TNR: variants seen among roughly 807,000 people sequenced by gnomAD.
The protein encoded by TNR is tenascin R, also known as tenascin-R.
In TNR, 45 loss-of-function variants were observed where a neutral mutation model predicts 150.4. The observed-to-expected ratio is 0.30, with a 90% CI of 0.24 to 0.38. TNR has a LOEUF of 0.38. TNR is among the 10% of genes least tolerant of loss of function. TNR has a pLI of 1.00. For synonymous variants in TNR, 687 were observed against 678.4 expected (o/e 1.01, Z -0.20); for missense variants, 1,544 against 1,759.1 (o/e 0.88, Z 2.19).
intron 2 of TNR, among the ~76,000 whole-genome samples, chr1:175,503,697 T>C (rs1658833645): frequency 6.6e-6 from 1 of 152,086 alleles, no homozygotes. Context: ...CTCATGACGC[T>C]CCATTCACGG....
chr1:175,337,115 G>A lies in TNR; in HGVS notation c.3534+413C>T, dbSNP rs182292338. Reference sequence around the variant, plus strand: ...TCTCCATGTTGGCCAGGCTGGTCTCGAACTCCTGGCCTCAAGTCATCACCC... The same window carrying A: ...TCTCCATGTTGGCCAGGCTGGTCTCAAACTCCTGGCCTCAAGTCATCACCC... On this transcript the variant is annotated intron_variant, in intron 19 of 22. Coordinates refer to ENST00000367674, the MANE Select transcript of TNR (RefSeq NM_003285.3). 1.5e-3 allele frequency among the ~76,000 whole-genome samples: 235 copies of A among 152,194 alleles called. 2 individuals are homozygous for A. The highest frequency in any genetic ancestry group is 4.6e-3 in the Admixed American group (71 of 15,286).
At chr1:175,673,620 A>T (rs1665770337) in intron 1 of TNR, among the ~76,000 whole-genome samples, 1 of 152,222 alleles carries the variant, frequency 6.6e-6, no homozygotes, top group Admixed American at 6.5e-5. Context: ...CTAGCTGAGG[A>T]TGTGCGGATG....
chr1:175,396,003 T>C (rs1653408888), intron 5 of TNR, among the ~76,000 whole-genome samples: 1 of 152,194 alleles, frequency 6.6e-6, no homozygotes, highest in Admixed American at 6.5e-5. Context: ...TCAACTTTTA[T>C]AACTAAAATG....
intron 1 of TNR, among the ~76,000 whole-genome samples, chr1:175,540,392 C>T (rs965550175): frequency 6.6e-6 from 1 of 152,150 alleles, no homozygotes; most frequent in Admixed American, 6.5e-5. Context: ...TTTATCAGAA[C>T]TTGGGGATGG....
chr1:175,397,226 G>T (rs1276349219), intron 4 of TNR, among the ~76,000 whole-genome samples: 1 of 152,106 alleles, frequency 6.6e-6, no homozygotes, highest in South Asian at 2.1e-4. Context: ...GTACCTTTAA[G>T]ATAATTTATG....
intron 1 of TNR, among the ~76,000 whole-genome samples, chr1:175,570,499 G>A (rs1661822233): frequency 6.6e-6 from 1 of 152,124 alleles, no homozygotes; most frequent in African/African-American, 2.4e-5. Flanking sequence ...TTTAGTCTGT[G>A]CCATAGCTGA....
At chr1:175,430,040 T>C (rs984212) in intron 2 of TNR, among the ~76,000 whole-genome samples, 35,704 of 149,496 alleles carry the variant, frequency 0.24, 5,264 homozygotes, top group African/African-American at 0.4. Flanking sequence ...TATTATATAA[T>C]ATATCTATTA....
At chr1:175,367,143 G>T in intron 10 of TNR, 65 bp downstream of exon 10, 1 of 1,462,674 alleles carries the variant, frequency 6.8e-7, no homozygotes, top group Non-Finnish European at 9.5e-7. Context: ...GCTGGGACGA[G>T]CCTCCATGAC....
intron 14 of TNR, among the ~76,000 whole-genome samples, chr1:175,360,220 T>C (rs773852637): frequency 2.0e-5 from 3 of 152,196 alleles, no homozygotes; most frequent in African/African-American, 7.2e-5. Context: ...GGCAACTCCA[T>C]AGGGGCAGGA....
chr1:175,417,182 T>C (rs1436806453), intron 2 of TNR, among the ~76,000 whole-genome samples: 2 of 152,150 alleles, frequency 1.3e-5, no homozygotes, highest in Admixed American at 6.5e-5. Context: ...CATTTTTATG[T>C]ATTGAATTAA....
At chr1:175,358,212 T>C (rs1205982308) in intron 15 of TNR, among the ~76,000 whole-genome samples, 1 of 152,198 alleles carries the variant, frequency 6.6e-6, no homozygotes, top group African/African-American at 2.4e-5. Context: ...GACATACCCA[T>C]AGTAATGCTA....
At chr1:175,471,432 G>C (rs1657283898) in intron 2 of TNR, among the ~76,000 whole-genome samples, 1 of 152,150 alleles carries the variant, frequency 6.6e-6, no homozygotes, top group African/African-American at 2.4e-5. Context: ...TACACACCTA[G>C]GTATATGGTG....
intron 2 of TNR, among the ~76,000 whole-genome samples, chr1:175,513,255 A>G (rs999522242): frequency 2.0e-5 from 3 of 152,128 alleles, no homozygotes; most frequent in African/African-American, 4.8e-5. Flanking sequence ...ATGTTGATTC[A>G]TCTCCTGATG....
Position 175,503,186 on chromosome 1 carries a change from C to T in TNR, c.-64+25083G>A, listed in dbSNP as rs114435499. On this transcript the variant is annotated intron_variant, in intron 2 of 22. Coordinates refer to ENST00000367674, the MANE Select transcript of TNR (RefSeq NM_003285.3). ...CCATGGCTGAGGGAAGAGAAGCCTC[C>T]CTAAGATGAGAAGGCGCAGCTGAAT... Among the ~76,000 whole-genome samples, 928 of 152,238 alleles carry T rather than the reference C, an allele frequency of 6.1e-3. 12 individuals carry two copies. Among genetic ancestry groups the T allele is most frequent in the African/African-American group, 0.021 (873 of 41,536 alleles).
chr1:175,562,415 G>T (rs533970904), intron 1 of TNR, among the ~76,000 whole-genome samples: 8 of 152,362 alleles, frequency 5.3e-5, no homozygotes, highest in African/African-American at 1.9e-4. Flanking sequence ...CTTGGAGTCT[G>T]AGCCTAAGGA....
At position 175,708,126 on chromosome 1, in the gene TNR, C is replaced by T. The variant is rs1176597113; in HGVS notation, c.-165+35100G>A. 3.3e-5 allele frequency among the ~76,000 whole-genome samples: 5 copies of T among 151,616 alleles called. No individual in the cohort carries two copies. In the East Asian group the frequency reaches 5.9e-4, roughly 18 times the overall value. On this transcript the variant is annotated intron_variant, in intron 1 of 22. Coordinates refer to ENST00000367674, the MANE Select transcript of TNR (RefSeq NM_003285.3). ...CTGGGAAAATGTTAGCACAGCATAA[C>T]TTATTACTTGCCATTTACAGAGAGT...
chr1:175,654,879 C>T (rs569312660), intron 1 of TNR, among the ~76,000 whole-genome samples: 2 of 152,014 alleles, frequency 1.3e-5, no homozygotes, highest in East Asian at 1.9e-4. Flanking sequence ...CCACCACAGC[C>T]GGCTAATTTT....
At chr1:175,366,274 C>G (rs1651838768) in intron 10 of TNR, 136 bp from the exon 11 acceptor site, 1 of 988,180 alleles carries the variant, frequency 1.0e-6, no homozygotes, top group Admixed American at 3.1e-5. Flanking sequence ...TGACACTTAT[C>G]TAATATTTTG....
intron 1 of TNR, among the ~76,000 whole-genome samples, chr1:175,658,778 A>G (rs1665271811): frequency 2.0e-5 from 3 of 152,232 alleles, no homozygotes; most frequent in Admixed American, 2.0e-4. Context: ...AATTCATACC[A>G]GAAGACAGAA....
Sources: allele counts gnomAD v4.1 joint callset (sites outside exome capture counted in the v4.1 genomes callset), GRCh38; gene constraint gnomAD v4.1.1; transcripts MANE v1.5; gene names NCBI Gene and HGNC (gene_info 2026-07-23, HGNC 2026-07-21).